Variants in SH3RF2 observed in about 807,000 individuals in gnomAD.
SH3RF2 encodes the protein SH3 domain containing ring finger 2.
A neutral mutation model predicts 59.0 loss-of-function variants in SH3RF2; 43 were observed. The ratio of observed to expected loss-of-function variants is 0.73; its 90% confidence interval spans 0.57 to 0.94. SH3RF2 has a LOEUF of 0.94. SH3RF2 is among the 40% of genes least tolerant of loss of function. SH3RF2 has a pLI of 0.00. For missense variants in SH3RF2, 930 were observed against 940.1 expected, an observed-to-expected ratio of 0.99 and a Z score of 0.14; for synonymous variants, 391 against 391.5, an observed-to-expected ratio of 1.00 and a Z score of 0.01.
At chr5:145,955,324 G>A (rs959191256) in intron 2 of SH3RF2, among the ~76,000 whole-genome samples, 6 of 152,110 alleles carry the variant, frequency 3.9e-5, no homozygotes, top group Non-Finnish European at 7.4e-5. Flanking sequence ...AATACTGCAC[G>A]TTCTCACCTG....
Position 146,033,451 on chromosome 5 carries a change from C to CTTTTTTTT in SH3RF2, c.1060-14292_1060-14285dup, listed in dbSNP as rs558717056. On this transcript the variant is annotated intron_variant, in intron 5 of 9. Coordinates refer to ENST00000359120, the MANE Select transcript of SH3RF2 (RefSeq NM_152550.4). ...AAAATCTATGAGCACTAGCCCTTAG[C>CTTTTTTTT]TTTTTTTTTTTTTTTTTTTTTTTTT... is the stretch of plus-strand genomic sequence containing the variant. Among the ~76,000 whole-genome samples, 51 of 71,860 alleles carry CTTTTTTTT rather than the reference C, an allele frequency of 7.1e-4. 14 individuals carry two copies. The highest frequency in any genetic ancestry group is 9.3e-4 in the Non-Finnish European group (39 of 41,770). The allele number at this position is 71,860 out of a possible 152,430, so 47.1% of individuals were successfully genotyped here. A position where few individuals can be genotyped will look rare whatever the true frequency, so the allele number is the denominator to read the frequency against.
chr5:146,016,354 AGATGGATGGATG>A lies in SH3RF2; in HGVS notation c.1059+2333_1059+2344del, dbSNP rs68055522. Among the ~76,000 whole-genome samples, 315 of 143,880 alleles carry A rather than the reference AGATGGATGGATG, an allele frequency of 2.2e-3. 1 individual carries two copies. The highest frequency in any genetic ancestry group is 4.1e-3 in the African/African-American group (149 of 36,674). 94.4% of individuals were successfully genotyped at this position (143,880 alleles called of 152,430 possible). A position where few individuals can be genotyped will look rare whatever the true frequency, so the allele number is the denominator to read the frequency against. On this transcript the variant is annotated intron_variant, in intron 5 of 9. Transcript: ENST00000359120. ...TGGATCTATAGGTAGGTAGGTAAGT[AGATGGATGGATG>A]GATGGATGGATGGATGGATGGATGG... is the stretch of plus-strand genomic sequence containing the variant.
chr5:145,982,000 T>C (rs576170412), intron 2 of SH3RF2, among the ~76,000 whole-genome samples: 29 of 152,318 alleles, frequency 1.9e-4, no homozygotes, highest in Non-Finnish European at 2.9e-4. Flanking sequence ...GCTTACATAA[T>C]GTAAGGGAAG....
chr5:146,009,059 T>G (rs759436777), intron 4 of SH3RF2, among the ~76,000 whole-genome samples: 1 of 152,226 alleles, frequency 6.6e-6, no homozygotes, highest in Non-Finnish European at 1.5e-5. Context: ...TTTCCAGTTG[T>G]TGGCAACTAT....
Position 145,987,772 on chromosome 5 carries a change from T to C in SH3RF2, c.379-12286T>C, listed in dbSNP as rs113899640. Among the ~76,000 whole-genome samples the C allele has an allele frequency of 8.1e-3, 1,241 of 152,330 alleles. 23 individuals are homozygous for C. Among genetic ancestry groups the C allele is most frequent in the African/African-American group, 0.028 (1,179 of 41,566 alleles). ...AAGCAAAAAAGGAATGAATGATGACTAGAGCTGGGAAGTCAGACCAGAAGC... is the reference window on the plus strand; with the variant it reads ...AAGCAAAAAAGGAATGAATGATGACCAGAGCTGGGAAGTCAGACCAGAAGC... On this transcript the variant is annotated intron_variant, in intron 2 of 9. Transcript: ENST00000359120.
At chr5:146,067,295 G>A (rs950510383), downstream of SH3RF2, among the ~76,000 whole-genome samples, 2 of 152,150 alleles carry the variant, frequency 1.3e-5, no homozygotes, top group Non-Finnish European at 2.9e-5. Flanking sequence ...CAACCCAGGC[G>A]GCTGGATCAG....
chr5:146,077,701 G>A (rs1763365237), intron 9 of SH3RF2, among the ~76,000 whole-genome samples: 1 of 152,032 alleles, frequency 6.6e-6, no homozygotes, highest in Non-Finnish European at 1.5e-5. Context: ...TAATTGTCCT[G>A]TTTTCCCTTA....
exon 10 of SH3RF2, chr5:146,080,644 T>C (rs978296179): frequency 6.6e-6 from 1 of 151,914 alleles, no homozygotes; most frequent in African/African-American, 2.4e-5. Flanking sequence ...AGCCAAGAGG[T>C]GTGGGGGCTT....
At chr5:145,943,583 T>C (rs1340637278) in intron 2 of SH3RF2, among the ~76,000 whole-genome samples, 4 of 152,254 alleles carry the variant, frequency 2.6e-5, no homozygotes, top group Non-Finnish European at 5.9e-5. Flanking sequence ...CTATGTGTAT[T>C]GGATCAATGC....
At chr5:146,000,688 C>T (rs1760373723) in intron 3 of SH3RF2, among the ~76,000 whole-genome samples, 2 of 152,080 alleles carry the variant, frequency 1.3e-5, no homozygotes, top group African/African-American at 4.8e-5. Context: ...TACAGATAAG[C>T]AAAACAAGGA....
intron 2 of SH3RF2, among the ~76,000 whole-genome samples, chr5:145,943,338 G>T (rs1331555140): frequency 2.0e-5 from 3 of 152,112 alleles, no homozygotes; most frequent in African/African-American, 7.2e-5. Context: ...GTTATGGACT[G>T]GGGGAGGATG....
chr5:145,977,040 A>T (rs1759321218), intron 2 of SH3RF2, among the ~76,000 whole-genome samples: 1 of 152,264 alleles, frequency 6.6e-6, no homozygotes, highest in African/African-American at 2.4e-5. Flanking sequence ...ATGCCAGCTC[A>T]TGACCTCAGC....
At chr5:146,069,255 GA>G (rs1403341541) in intron 9 of SH3RF2, among the ~76,000 whole-genome samples, 1 of 152,184 alleles carries the variant, frequency 6.6e-6, no homozygotes, top group East Asian at 1.9e-4. Flanking sequence ...CTGGTTTTGA[GA>G]ATTTCTGGTT....
At chr5:146,035,196 G>A (rs548732436) in intron 5 of SH3RF2, among the ~76,000 whole-genome samples, 7 of 151,478 alleles carry the variant, frequency 4.6e-5, no homozygotes, top group South Asian at 2.1e-4. Context: ...AAAAATGTTC[G>A]TTGTTGTCGC....
At chr5:145,979,339 C>T (rs1360589388) in intron 2 of SH3RF2, among the ~76,000 whole-genome samples, 1 of 152,196 alleles carries the variant, frequency 6.6e-6, no homozygotes, top group Non-Finnish European at 1.5e-5. Context: ...TGTCAAGGGA[C>T]ATGATGTTAA....
chr5:146,038,698 T>A (rs948683949), intron 5 of SH3RF2, among the ~76,000 whole-genome samples: 7 of 152,222 alleles, frequency 4.6e-5, no homozygotes, highest in Non-Finnish European at 1.0e-4. Context: ...TATGCAATGT[T>A]CTTGGATGGG....
intron 5 of SH3RF2, among the ~76,000 whole-genome samples, chr5:146,042,285 G>C (rs1399329153): frequency 6.6e-6 from 1 of 152,120 alleles, no homozygotes; most frequent in Non-Finnish European, 1.5e-5. Flanking sequence ...ACCTTGCCAG[G>C]CTGTACCATA....
chr5:145,983,592 A>C (rs1759589351), intron 2 of SH3RF2, among the ~76,000 whole-genome samples: 1 of 152,168 alleles, frequency 6.6e-6, no homozygotes, highest in Non-Finnish European at 1.5e-5. Context: ...ACAGCTGCTG[A>C]GAGCTGCTTT....
intron 7 of SH3RF2, among the ~76,000 whole-genome samples, chr5:146,053,091 A>G (rs1342040494): frequency 6.6e-6 from 1 of 152,192 alleles, no homozygotes; most frequent in East Asian, 1.9e-4. Flanking sequence ...GCCACCCAGA[A>G]TTTGGGGATA....
Sources: gnomAD v4.1 joint callset for allele counts (sites outside exome capture counted in the v4.1 genomes callset) on GRCh38, gnomAD v4.1.1 for gene constraint, MANE v1.5 for transcripts, NCBI Gene and HGNC (gene_info 2026-07-23, HGNC 2026-07-21) for gene names.